PRDM16: variants seen among roughly 807,000 people sequenced by gnomAD.
PRDM16 encodes histone-lysine N-methyltransferase PRDM16.
PRDM16 carries 23 observed loss-of-function variants against 110.6 expected under a neutral mutation model. The ratio of observed to expected loss-of-function variants is 0.21; its 90% CI spans 0.15 to 0.29. The LOEUF (loss-of-function observed/expected upper bound fraction) is 0.29, where lower values mean the gene tolerates loss of function less well. Ranked by LOEUF, PRDM16 falls within the 10% of genes least tolerant of loss-of-function variation. The probability of loss-of-function intolerance (pLI) is 1.00; values close to 1 mark genes in which losing one functional copy is unlikely to be tolerated. For synonymous variants in PRDM16, 799 were observed against 781.8 expected (o/e 1.02, Z -0.37); for missense variants, 1,615 against 1,794.3 (o/e 0.90, Z 1.81).
intron 1 of PRDM16, among the ~76,000 whole-genome samples, chr1:3,180,529 C>T (rs376569431): frequency 5.9e-5 from 9 of 152,196 alleles, no homozygotes; most frequent in African/African-American, 1.9e-4. Flanking sequence ...TGGGTGGGAC[C>T]GAGTCCCCAC....
chr1:3,111,336 C>T (rs1642786942), intron 1 of PRDM16, among the ~76,000 whole-genome samples: 1 of 151,990 alleles, frequency 6.6e-6, no homozygotes, highest in Non-Finnish European at 1.5e-5. Flanking sequence ...GTGGGGGAGG[C>T]AGGATGGACA....
intron 1 of PRDM16, among the ~76,000 whole-genome samples, chr1:3,131,808 G>A (rs758356657): frequency 1.3e-5 from 2 of 152,166 alleles, no homozygotes; most frequent in African/African-American, 4.8e-5. Flanking sequence ...CTGCAGTGAC[G>A]CTGCCCTGGG....
intron 2 of PRDM16, among the ~76,000 whole-genome samples, chr1:3,240,056 AAGAGGAGAGGAGAGG>A (rs70938079): frequency 0.032 from 3,278 of 103,404 alleles, 70 homozygotes; most frequent in African/African-American, 0.043. Flanking sequence ...AGGAGAGGAG[AAGAGGAGAGGAGAGG>A]AGAGGAGAGG....
intron 1 of PRDM16, among the ~76,000 whole-genome samples, chr1:3,103,664 C>T (rs764255733): frequency 1.3e-5 from 2 of 152,126 alleles, no homozygotes; most frequent in African/African-American, 4.8e-5. Flanking sequence ...CAGGAGGGGA[C>T]GAGAGTTCTG....
intron 3 of PRDM16, among the ~76,000 whole-genome samples, chr1:3,285,673 G>A (rs1367776472): frequency 6.6e-6 from 1 of 152,222 alleles, no homozygotes; most frequent in East Asian, 1.9e-4. Flanking sequence ...TCTGGTCCCT[G>A]GACGGCCAAG....
intron 12 of PRDM16, among the ~76,000 whole-genome samples, chr1:3,419,461 T>G (rs1638370998): frequency 6.6e-6 from 1 of 152,134 alleles, no homozygotes; most frequent in Admixed American, 6.5e-5. Context: ...GGCCCGAGGC[T>G]CAGAGATGCC....
At chr1:3,076,754 C>A (rs980196117) in intron 1 of PRDM16, among the ~76,000 whole-genome samples, 1 of 152,230 alleles carries the variant, frequency 6.6e-6, no homozygotes, top group African/African-American at 2.4e-5. Flanking sequence ...TTCCCAGAAA[C>A]CGGCTCGGCT....
intron 5 of PRDM16, among the ~76,000 whole-genome samples, chr1:3,399,638 C>A (rs993511832): frequency 1.3e-5 from 2 of 152,216 alleles, no homozygotes; most frequent in Non-Finnish European, 2.9e-5. Flanking sequence ...CCAGGGCACC[C>A]TCCAAGGCCA....
In PRDM16 at chr1:3,080,929, A is replaced by AGT. The variant is rs143231016; in HGVS notation, c.37+11644_37+11645dup. On this transcript the variant is annotated intron_variant, in intron 1 of 16. Coordinates refer to ENST00000270722, the MANE Select transcript of PRDM16 (RefSeq NM_022114.4). This position sits in a 1 kb window ranked among gnomAD's most constrained non-coding sequence, Gnocchi z 5.2. ...TTCCCGGAGAGCTTGTGTGCCTGAG[A>AGT]GTGTGTGTGTGTAGAGGGGGTGGCG... Among the ~76,000 whole-genome samples the AGT allele has an allele frequency of 3.3e-5, 5 of 150,136 alleles. No homozygotes were observed. Among genetic ancestry groups the AGT allele is most frequent in the African/African-American group, 1.2e-4 (5 of 40,996 alleles).
intron 1 of PRDM16, among the ~76,000 whole-genome samples, chr1:3,088,321 C>CTTTTTTTTATT (rs1642196187): frequency 2.0e-5 from 3 of 151,930 alleles, no homozygotes; most frequent in African/African-American, 7.3e-5. Context: ...CCTCAAACCG[C>CTTTTTTTTATT]CTTTCCCTTC....
intron 2 of PRDM16, chr1:3,207,578 A>C (rs1638782161): frequency 6.6e-6 from 1 of 152,252 alleles, no homozygotes; most frequent in Non-Finnish European, 1.5e-5. Flanking sequence ...CACCTGAGAC[A>C]CCCGTACTTG....
chr1:3,179,111 C>T (rs931443927), intron 1 of PRDM16, among the ~76,000 whole-genome samples: 3 of 152,236 alleles, frequency 2.0e-5, no homozygotes, highest in Non-Finnish European at 2.9e-5. Context: ...CCAGGGCTCT[C>T]CCCGGTTTTG....
chr1:3,263,161 G>A (rs1557565619), intron 3 of PRDM16, among the ~76,000 whole-genome samples: 1 of 152,170 alleles, frequency 6.6e-6, no homozygotes, highest in South Asian at 2.1e-4. Flanking sequence ...GGCACCAGCA[G>A]CCTCTTCCAT....
chr1:3,169,339 C>G (rs1438724823), intron 1 of PRDM16, among the ~76,000 whole-genome samples: 1 of 152,146 alleles, frequency 6.6e-6, no homozygotes, highest in East Asian at 1.9e-4. Context: ...TGAGGCTGAC[C>G]CAGAGCTCAG....
chr1:3,145,647 G>C (rs1214830941), intron 1 of PRDM16, among the ~76,000 whole-genome samples: 1 of 152,118 alleles, frequency 6.6e-6, no homozygotes, highest in Non-Finnish European at 1.5e-5. Flanking sequence ...TGTCCTGCGT[G>C]GTCCGTACAG....
At chr1:3,214,888 C>A (rs958444655) in intron 2 of PRDM16, among the ~76,000 whole-genome samples, 1 of 152,138 alleles carries the variant, frequency 6.6e-6, no homozygotes, top group Non-Finnish European at 1.5e-5. Context: ...TGAATACAGA[C>A]CTTTTGGCTG....
chr1:3,164,292 A>G (rs1279169865), intron 1 of PRDM16, among the ~76,000 whole-genome samples: 1 of 152,250 alleles, frequency 6.6e-6, no homozygotes, highest in East Asian at 1.9e-4. Context: ...TGTAATAGGA[A>G]ATTTGAGAAG....
At chr1:3,125,126 G>A (rs1043155651) in intron 1 of PRDM16, among the ~76,000 whole-genome samples, 43 of 152,376 alleles carry the variant, frequency 2.8e-4, no homozygotes, top group African/African-American at 8.9e-4. Flanking sequence ...TTTCTGCCTC[G>A]CTAAGGCACA....
chr1:3,348,368 G>A (rs1043692179), intron 3 of PRDM16, among the ~76,000 whole-genome samples: 1 of 152,224 alleles, frequency 6.6e-6, no homozygotes, highest in Non-Finnish European at 1.5e-5. Context: ...GTTAGTATTC[G>A]TGTGCTAGGG....
Sources: allele counts gnomAD v4.1 joint callset (sites outside exome capture counted in the v4.1 genomes callset), GRCh38; gene constraint gnomAD v4.1.1; non-coding constraint Gnocchi (gnomAD v3.1); transcripts MANE v1.5; gene names NCBI Gene and HGNC (gene_info 2026-07-23, HGNC 2026-07-21).